The following SPECC1L variants were observed in gnomAD, a reference collection of about 807,000 sequenced individuals.
SPECC1L encodes sperm antigen with calponin homology and coiled-coil domains 1 like.
Under a neutral mutation model 116.8 loss-of-function variants are expected in SPECC1L, and 40 were observed. That is an observed-to-expected ratio of 0.34 (90% CI 0.27 to 0.45). The LOEUF is 0.45. SPECC1L is among the 20% of genes least tolerant of loss of function. SPECC1L has a pLI of 1.00. For missense variants in SPECC1L, 1,110 were observed against 1,373.6 expected (o/e 0.81, Z 3.03); for synonymous variants, 504 against 500.6 (o/e 1.01, Z -0.09).
chr22:24,290,214 G>C (rs953618818), intron 2 of SPECC1L, among the ~76,000 whole-genome samples: 1 of 152,210 alleles, frequency 6.6e-6, no homozygotes, highest in African/African-American at 2.4e-5. Context: ...GAAGAACTGG[G>C]TTAAAGCAGA....
At chr22:24,303,459 T>C (rs2049423714) in intron 3 of SPECC1L, among the ~76,000 whole-genome samples, 1 of 152,142 alleles carries the variant, frequency 6.6e-6, no homozygotes, top group Non-Finnish European at 1.5e-5. Context: ...TGCTGCTGCT[T>C]TTTGGTGTAA....
intron 2 of SPECC1L, among the ~76,000 whole-genome samples, chr22:24,278,459 C>G (rs1218090978): frequency 6.6e-6 from 1 of 152,244 alleles, no homozygotes; most frequent in Admixed American, 6.5e-5. Flanking sequence ...GCTGGTACCA[C>G]TCTAACTCAT....
At chr22:24,347,212 T>TC in intron 11 of SPECC1L, 36 bp downstream of exon 11, 1 of 1,540,174 alleles carries the variant, frequency 6.5e-7, no homozygotes, top group Non-Finnish European at 9.0e-7. Context: ...CACCTTTTTT[T>TC]CAATTTTTGA....
chr22:24,371,188 A>G (rs542088190), intron 14 of SPECC1L, among the ~76,000 whole-genome samples: 1 of 152,382 alleles, frequency 6.6e-6, no homozygotes, highest in African/African-American at 2.4e-5. Flanking sequence ...CTGTATACCA[A>G]CCAGACCTAA....
intron 14 of SPECC1L, among the ~76,000 whole-genome samples, chr22:24,389,212 G>T (rs2042219672): frequency 6.6e-6 from 1 of 151,260 alleles, no homozygotes; most frequent in African/African-American, 2.4e-5. Context: ...TGCCTCCTGG[G>T]TTCAAGCGAT....
Position 24,330,472 on chromosome 22 carries a change from G to A in SPECC1L, c.2396+41G>A, listed in dbSNP as rs766238765. ...CCTGTTGTGTACTTATGTTTCAGTAGAGAACACTTAAATCCCAATTTTTGA... is the reference window on the plus strand; with the variant it reads ...CCTGTTGTGTACTTATGTTTCAGTAAAGAACACTTAAATCCCAATTTTTGA... On this transcript the variant is annotated intron_variant, in intron 8 of 16. Coordinates refer to ENST00000314328, the MANE Select transcript of SPECC1L (RefSeq NM_015330.6). The A allele has an allele frequency of 7.5e-6, 12 of 1,605,134 alleles. No homozygotes were observed. In the South Asian group the frequency reaches 1.3e-4, roughly 18 times the overall value.
chr22:24,276,268 T>TA (rs199690326), intron 1 of SPECC1L, among the ~76,000 whole-genome samples: 50 of 151,192 alleles, frequency 3.3e-4, no homozygotes, highest in South Asian at 6.3e-4. Context: ...TAAAGTATAA[T>TA]AAAAAAAAAT....
rs558201484 is a variant in SPECC1L at position 24,313,439 on chromosome 22, G to A, written c.280G>A (p.Val94Met). 6.2e-6 allele frequency: 10 copies of A among 1,614,114 alleles called. No homozygotes were observed. Among genetic ancestry groups the A allele is most frequent in the South Asian group, 4.4e-5 (4 of 91,076 alleles). The change falls in exon 4 of 17, where the codon GTG becomes ATG. Residue 94 changes from valine (V) to methionine (M), a missense_variant. This residue lies in a region of SPECC1L where 437 missense variants were observed against 482.6 expected (regional missense o/e 0.91). Transcript: ENST00000314328. ...AGCATCTGCCCCTGCCATGACCACC[G>A]TGGAGAACAAATCCAAGATTAGCAC... ...PSASAPAMTT[V>M]ENKSKISTGT...
intron 11 of SPECC1L, among the ~76,000 whole-genome samples, chr22:24,358,737 C>T (rs537320219): frequency 1.3e-5 from 2 of 152,268 alleles, no homozygotes; most frequent in South Asian, 4.1e-4. Flanking sequence ...GGGTTTTCGA[C>T]CAAATTTTAA....
chr22:24,302,040 C>T (rs558050887), intron 2 of SPECC1L, among the ~76,000 whole-genome samples, 155 bp from the exon 3 acceptor site: 20 of 149,982 alleles, frequency 1.3e-4, no homozygotes, highest in African/African-American at 3.7e-4. Context: ...AGCGAGACTC[C>T]GTCTCAAAAA....
intron 14 of SPECC1L, among the ~76,000 whole-genome samples, chr22:24,403,341 C>A (rs2042517807): frequency 6.6e-6 from 1 of 152,148 alleles, no homozygotes; most frequent in Admixed American, 6.5e-5. Context: ...AATCTGAATT[C>A]ATCGGTAAGA....
intron 6 of SPECC1L, 77 bp from the exon 7 acceptor site, chr22:24,328,769 A>T: frequency 8.8e-7 from 1 of 1,137,028 alleles, no homozygotes; most frequent in Non-Finnish European, 1.3e-6. Context: ...TGTCATATTT[A>T]AGTATCCCTT....
At chr22:24,336,810 C>G (rs1407483943) in intron 9 of SPECC1L, among the ~76,000 whole-genome samples, 2 of 152,082 alleles carry the variant, frequency 1.3e-5, no homozygotes, top group African/African-American at 2.4e-5. Context: ...AATAGATAAT[C>G]AGACAAATAC....
Position 24,365,546 on chromosome 22 carries a change from G to A in SPECC1L, c.2898G>A (p.Leu966=), listed in dbSNP as rs200750916. ...SAQEGASPAS[L]MAMGTTSPQL... ...AGGAGGGAGCGTCGCCAGCCTCTCT[G>A]ATGGCTATGGGAACCACGTCTCCAC... The change falls in exon 13 of 17, where the codon CTG becomes CTA. Residue 966 remains leucine, a synonymous_variant. Coordinates refer to ENST00000314328, the MANE Select transcript of SPECC1L (RefSeq NM_015330.6). 6.2e-7 allele frequency: 1 copy of A among 1,614,092 alleles called. No individual in the cohort carries two copies. The highest frequency in any genetic ancestry group is 1.1e-5 in the South Asian group (1 of 91,084).
chr22:24,272,043 C>T (rs1164173406), intron 1 of SPECC1L, among the ~76,000 whole-genome samples: 1 of 152,088 alleles, frequency 6.6e-6, no homozygotes, highest in African/African-American at 2.4e-5. Flanking sequence ...GCAATTTTGC[C>T]AATGTAGGTG....
chr22:24,289,623 G>T (rs558572094), intron 2 of SPECC1L, among the ~76,000 whole-genome samples: 1 of 151,634 alleles, frequency 6.6e-6, no homozygotes, highest in East Asian at 1.9e-4. Context: ...TGAGCTTTTC[G>T]TTGGCCAAAA....
intron 16 of SPECC1L, among the ~76,000 whole-genome samples, chr22:24,413,738 A>G (rs1400671264): frequency 6.6e-6 from 1 of 152,130 alleles, no homozygotes; most frequent in African/African-American, 2.4e-5. Context: ...CCCACCCTCA[A>G]AAGCTTCTAT....
In SPECC1L at chr22:24,322,008, A is replaced by T. The variant is rs537661552; in HGVS notation, c.1028A>T (p.Asp343Val). ...GACCATCAGCACAGTAACTCCATGG[A>T]CAATTTAGACAGTGAGTGCAGTGAG... ...LMDHQHSNSM[D>V]NLDSECSEVY... Residue 343 changes from aspartate (D) to valine (V), a missense_variant, in exon 5 of 17, where the codon GAC (aspartate) becomes GTC (valine). Asp to Val is a radical substitution (Grantham distance 152). Around this residue, in one of 4 missense-constraint regions of SPECC1L, gnomAD observed 437 missense variants for 482.6 expected, o/e 0.91. Transcript: ENST00000314328. The T allele has an allele frequency of 1.2e-6, 2 of 1,614,182 alleles. No homozygotes were observed. The highest frequency in any genetic ancestry group is 3.3e-5 in the Admixed American group (2 of 60,024).
At chr22:24,362,196 A>G (rs2041659721) in intron 11 of SPECC1L, among the ~76,000 whole-genome samples, 2 of 152,140 alleles carry the variant, frequency 1.3e-5, no homozygotes, top group South Asian at 4.1e-4. Flanking sequence ...GCCCTAGGTA[A>G]GAAGTGTGCA....
Sources: allele counts gnomAD v4.1 joint callset (sites outside exome capture counted in the v4.1 genomes callset), GRCh38; gene constraint gnomAD v4.1.1; regional missense constraint gnomAD v4.1.1; transcripts MANE v1.5; gene names NCBI Gene and HGNC (gene_info 2026-07-23, HGNC 2026-07-21).